Variants in EPHB6 observed in about 807,000 individuals in gnomAD.
EPHB6 encodes the protein ephrin type-B receptor 6.
In EPHB6, 51 loss-of-function variants were observed where a neutral mutation model predicts 107.0. That is an observed-to-expected ratio of 0.48 (90% CI 0.38 to 0.60). EPHB6 has a LOEUF of 0.60. Ranked by LOEUF, EPHB6 falls within the 20% of genes least tolerant of loss-of-function variation. EPHB6 has a pLI of 0.00. For missense variants in EPHB6, 1,141 were observed against 1,355.5 expected, an observed-to-expected ratio of 0.84 and a Z score of 2.48; for synonymous variants, 553 against 549.0, an observed-to-expected ratio of 1.01 and a Z score of -0.10.
At chr7:142,863,498 G>T in intron 5 of EPHB6, 133 bp from the exon 6 acceptor site, 2 of 1,233,006 alleles carry the variant, frequency 1.6e-6, no homozygotes, top group Non-Finnish European at 1.2e-6. Context: ...GGACCCTGAT[G>T]GACAGCTGTG....
Position 142,866,517 on chromosome 7 carries a change from G to A in EPHB6, c.1499G>A (p.Arg500Gln), listed in dbSNP as rs8177175. Reference protein sequence around the residue: ...SAVPVVHQVSRASNSITVSWP... With the variant: ...SAVPVVHQVSQASNSITVSWP... Reference sequence around the variant, plus strand: ...GTCCCTGTGGTGCACCAGGTGAGCCGGGCATCCAACAGCATCACGGTGTCC... The same window carrying A: ...GTCCCTGTGGTGCACCAGGTGAGCCAGGCATCCAACAGCATCACGGTGTCC... The change falls in exon 10 of 20, where the codon CGG (arginine) becomes CAG (glutamine). Residue 500 changes from arginine (R) to glutamine (Q), a missense_variant. This residue lies in a region of EPHB6 where 616 missense variants were observed against 759.3 expected (regional missense o/e 0.81). Transcript: ENST00000652003. This position sits in a 1 kb window ranked among gnomAD's most constrained non-coding sequence, Gnocchi z 5.2. 41 of 1,614,024 alleles carry A rather than the reference G, an allele frequency of 2.5e-5. No homozygotes were observed. Among genetic ancestry groups the A allele is most frequent in the East Asian group, 4.5e-5 (2 of 44,878 alleles).
intron 6 of EPHB6, 96 bp downstream of exon 6, chr7:142,863,791 T>A (rs979100358): frequency 4.0e-6 from 6 of 1,512,860 alleles, no homozygotes; most frequent in Non-Finnish European, 5.5e-6. Flanking sequence ...TGGGTGAGGA[T>A]TATGGGAAAA....
At position 142,867,885 on chromosome 7, in the gene EPHB6, G is replaced by A. The variant is rs2116461904; in HGVS notation, c.1866-112G>A. The A allele has an allele frequency of 6.7e-7, 1 of 1,495,914 alleles. No individual in the cohort carries two copies. The highest frequency in any genetic ancestry group is 2.5e-5 in the East Asian group (1 of 40,656). The allele number at this position is 1,495,914 out of a possible 1,614,324, so 92.7% of individuals were successfully genotyped here. A position where few individuals can be genotyped will look rare whatever the true frequency, so the allele number is the denominator to read the frequency against. ...CACGTGGAGATGGGCAGGAGGGCCA[G>A]GCTGTCGTCCCCCCTCCACAGACCG... On this transcript the variant is annotated intron_variant, in intron 12 of 19. Coordinates refer to ENST00000652003, the MANE Select transcript of EPHB6 (RefSeq NM_004445.6). This position sits in a 1 kb window ranked among gnomAD's most constrained non-coding sequence, Gnocchi z 5.3.
In EPHB6 at chr7:142,868,662, G is replaced by A. The variant is rs781020357; in HGVS notation, c.2209G>A (p.Gly737Ser). 9 of 1,613,828 alleles carry A rather than the reference G, an allele frequency of 5.6e-6. No homozygotes were observed. The Admixed American group carries it at 1.3e-4, about 24-fold the overall frequency. The change falls in exon 15 of 20, where the codon GGC (glycine) becomes AGC (serine). Residue 737 changes from glycine (G) to serine (S), a missense_variant. Gly to Ser is a moderately conservative substitution (Grantham distance 56). Around this residue, in one of 3 missense-constraint regions of EPHB6, gnomAD observed 616 missense variants for 759.3 expected, o/e 0.81. Coordinates refer to ENST00000652003, the MANE Select transcript of EPHB6 (RefSeq NM_004445.6). This position sits in a 1 kb window ranked among gnomAD's most constrained non-coding sequence, Gnocchi z 4.2. ...FQHPNILRLE[G>S]VVTKSRPLMV... ...GCACCCCAACATCCTGCGGCTGGAG[G>A]GCGTGGTCACCAAGAGCCGACCCCT...
intron 17 of EPHB6, 98 bp downstream of exon 17, chr7:142,870,064 A>T: frequency 6.3e-7 from 1 of 1,598,014 alleles, no homozygotes; most frequent in Non-Finnish European, 8.6e-7. Flanking sequence ...GTATTCTAAG[A>T]TCTCATGGCT....
At chr7:142,858,602 A>ATTTTTTT (rs58084930) in intron 1 of EPHB6, among the ~76,000 whole-genome samples, 1 of 130,086 alleles carries the variant, frequency 7.7e-6, no homozygotes. Context: ...CGCCCAGCTA[A>ATTTTTTT]TTTTTTTTTT....
Position 142,867,998 on chromosome 7 carries a change from A to G in EPHB6, c.1867A>G (p.Lys623Glu). The change falls in exon 13 of 20, where the codon AAG becomes GAG. Residue 623 changes from lysine (K) to glutamate (E), a missense_variant and splice_region_variant. By Grantham distance (56) the Lys-to-Glu change is moderately conservative. This residue lies in a region of EPHB6 where 616 missense variants were observed against 759.3 expected (regional missense o/e 0.81). Coordinates refer to ENST00000652003, the MANE Select transcript of EPHB6 (RefSeq NM_004445.6). The surrounding 1 kb of genome is among the most constrained non-coding windows in gnomAD (Gnocchi z 5.3). ...ITVLAVVFQR[K>E]RRGTGYTEQL... ...CCCAGTCACCGTTTTGTTCCTCAGG[A>G]AGCGGCGTGGGACTGGCTACACAGA... 6.3e-7 allele frequency: 1 copy of G among 1,575,748 alleles called. No individual in the cohort carries two copies. The highest frequency in any genetic ancestry group is 8.6e-7 in the Non-Finnish European group (1 of 1,160,660).
Position 142,865,951 on chromosome 7 carries a change from G to C in EPHB6, c.1106-9G>C, listed in dbSNP as rs1178816836. 2 of 1,613,332 alleles carry C rather than the reference G, an allele frequency of 1.2e-6. No homozygotes were observed. The highest frequency in any genetic ancestry group is 1.7e-6 in the Non-Finnish European group (2 of 1,179,828). On this transcript the variant is annotated splice_polypyrimidine_tract_variant and intron_variant, in intron 8 of 19. Transcript: ENST00000652003. ...GGCCCTTGGACTGCCATATCCTCCG[G>C]CCCCCCAGGTCCTCCATCGGCTCCC...
At chr7:142,862,261 G>T (rs1183915432) in intron 3 of EPHB6, 128 bp downstream of exon 3, 1 of 152,152 alleles carries the variant, frequency 6.6e-6, no homozygotes, top group Non-Finnish European at 1.5e-5. Flanking sequence ...TGGGAGTTAG[G>T]ATTTCAACAT....
rs1475573743 is a variant in EPHB6 at position 142,867,938 on chromosome 7, G to A, written c.1866-59G>A. On this transcript the variant is annotated intron_variant, in intron 12 of 19. Coordinates refer to ENST00000652003, the MANE Select transcript of EPHB6 (RefSeq NM_004445.6). This position sits in a 1 kb window ranked among gnomAD's most constrained non-coding sequence, Gnocchi z 5.3. ...TAAAGAGCAGTCTGGAGGGTGACAA[G>A]GGGGCAGCAAGGGGGTGGAAATGGG... The A allele has an allele frequency of 6.5e-7, 1 of 1,549,122 alleles. No homozygotes were observed. Among genetic ancestry groups the A allele is most frequent in the East Asian group, 2.4e-5 (1 of 40,980 alleles).
rs780953641 is a variant in EPHB6 at position 142,870,605 on chromosome 7, C to T, written c.2880C>T (p.Ala960=). The T allele has an allele frequency of 1.6e-5, 26 of 1,614,152 alleles. No homozygotes were observed. Among genetic ancestry groups the T allele is most frequent in the Non-Finnish European group, 2.1e-5 (25 of 1,180,064 alleles). ...CLDSPQAWLS[A]IGLECYQDNF... ...ACTCACCCCAGGCCTGGCTTTCAGCCATTGGACTGGAGTGCTACCAGGACA... is the reference window on the plus strand; with the variant it reads ...ACTCACCCCAGGCCTGGCTTTCAGCTATTGGACTGGAGTGCTACCAGGACA... Residue 960 remains alanine, a synonymous_variant, in exon 19 of 20, where the codon GCC becomes GCT. Transcript: ENST00000652003.
chr7:142,870,631 A>ACTTCTCCAAGTTTGGCCT lies in EPHB6; in HGVS notation c.2909_2926dup (p.Phe970_Leu975dup). On this transcript the variant is annotated inframe_insertion, in exon 19 of 20. Coordinates refer to ENST00000652003, the MANE Select transcript of EPHB6 (RefSeq NM_004445.6). ...ATTGGACTGGAGTGCTACCAGGACAACTTCTCCAAGTTTGGCCTCTGTACC... is the reference window on the plus strand; with the variant it reads ...ATTGGACTGGAGTGCTACCAGGACAACTTCTCCAAGTTTGGCCTCTTCTCCAAGTTTGGCCTCTGTACC... 6.2e-7 allele frequency: 1 copy of ACTTCTCCAAGTTTGGCCT among 1,614,176 alleles called. No individual in the cohort carries two copies. Among genetic ancestry groups the ACTTCTCCAAGTTTGGCCT allele is most frequent in the Non-Finnish European group, 8.5e-7 (1 of 1,180,034 alleles).
At position 142,855,531 on chromosome 7, in the gene EPHB6, CAG is replaced by C. The variant is rs1563331956; in HGVS notation, c.-432+149_-432+150del. ...AGTACTGAGGATCCTTCCTCAAGGCCAGAGTGGGGTTCATGAAGGGTGAGGAA... is the reference window on the plus strand; with the variant it reads ...AGTACTGAGGATCCTTCCTCAAGGCCAGTGGGGTTCATGAAGGGTGAGGAA... On this transcript the variant is annotated intron_variant, in intron 1 of 19. Coordinates refer to ENST00000652003, the MANE Select transcript of EPHB6 (RefSeq NM_004445.6). The surrounding 1 kb of genome is among the most constrained non-coding windows in gnomAD (Gnocchi z 4.2). The C allele has an allele frequency of 6.6e-6, 1 of 152,338 alleles. No individual in the cohort carries two copies. The highest frequency in any genetic ancestry group is 1.5e-5 in the Non-Finnish European group (1 of 68,176). The allele number at this position is 152,338 out of a possible 1,614,324, so 9.4% of individuals were successfully genotyped here.
Position 142,870,218 on chromosome 7 carries a change from T to G in EPHB6, c.2615T>G (p.Leu872Arg), listed in dbSNP as rs756101513. The change falls in exon 18 of 20, where the codon CTA (leucine) becomes CGA (arginine). Residue 872 changes from leucine (L) to arginine (R), a missense_variant. Around this residue, in one of 3 missense-constraint regions of EPHB6, gnomAD observed 616 missense variants for 759.3 expected, o/e 0.81. Transcript: ENST00000652003. ...TAGTCTTCCTCTGACCCCCAGGTAC[T>G]AAATGCAATAGAGCAGGAGTTCCGG... ...PYWDMSEQEV[L>R]NAIEQEFRLP... The G allele has an allele frequency of 7.4e-6, 12 of 1,614,040 alleles. No homozygotes were observed. The highest frequency in any genetic ancestry group is 2.7e-5 in the African/African-American group (2 of 74,928).
rs375561057 is a variant in EPHB6 at position 142,865,931 on chromosome 7, T to G, written c.1106-29T>G. The G allele has an allele frequency of 9.9e-6, 16 of 1,609,782 alleles. No individual in the cohort carries two copies. In the African/African-American group the frequency reaches 2.0e-4, roughly 20 times the overall value. ...ACCCCCACTGCTGCCCTCTTGGCCC[T>G]TGGACTGCCATATCCTCCGGCCCCC... On this transcript the variant is annotated intron_variant, in intron 8 of 19. Transcript: ENST00000652003.
chr7:142,863,801 A>G (rs1295661365), intron 6 of EPHB6, 106 bp downstream of exon 6: 30 of 1,485,452 alleles, frequency 2.0e-5, no homozygotes, highest in Non-Finnish European at 2.7e-5. Context: ...TTATGGGAAA[A>G]GGATCCCTCC....
rs1586141483 is a variant in EPHB6, at chr7:142,855,683, G to A, written c.-432+298G>A. Among the ~76,000 whole-genome samples, 1 of 152,144 alleles carries A rather than the reference G, an allele frequency of 6.6e-6. No homozygotes were observed. The highest frequency in any genetic ancestry group is 2.4e-5 in the African/African-American group (1 of 41,416). On this transcript the variant is annotated intron_variant, in intron 1 of 19. Transcript: ENST00000652003. The surrounding 1 kb of genome is among the most constrained non-coding windows in gnomAD (Gnocchi z 4.2). ...ATTCTCCTCTGGCTCTGGCTTGGGAGTCCTAATCTGGGAGGGTCCTCGCAG... is the reference window on the plus strand; with the variant it reads ...ATTCTCCTCTGGCTCTGGCTTGGGAATCCTAATCTGGGAGGGTCCTCGCAG...
In EPHB6 at chr7:142,866,216, C is replaced by T. The variant is rs1226338726; in HGVS notation, c.1362C>T (p.His454=). 8.1e-6 allele frequency: 13 copies of T among 1,614,130 alleles called. No homozygotes were observed. Among genetic ancestry groups the T allele is most frequent in the Middle Eastern group, 1.6e-4 (1 of 6,062 alleles). The change falls in exon 9 of 20, where the codon CAC becomes CAT. Residue 454 remains histidine, a synonymous_variant. Coordinates refer to ENST00000652003, the MANE Select transcript of EPHB6 (RefSeq NM_004445.6). The surrounding 1 kb of genome is among the most constrained non-coding windows in gnomAD (Gnocchi z 5.2). ...TGTTAGTGGGGGGACTCCGGGCACA[C>T]GTACCCTACATCTTAGAGGTGCAGG... ...SRVLVGGLRA[H]VPYILEVQAV...
rs1422264345 is a variant in EPHB6 at position 142,855,489 on chromosome 7, AG to A, written c.-432+106del. The A allele has an allele frequency of 6.6e-6, 1 of 152,366 alleles. No homozygotes were observed. Among genetic ancestry groups the A allele is most frequent in the Non-Finnish European group, 1.5e-5 (1 of 68,182 alleles). The allele number at this position is 152,366 out of a possible 1,614,324, so 9.4% of individuals were successfully genotyped here. On this transcript the variant is annotated intron_variant, in intron 1 of 19. Coordinates refer to ENST00000652003, the MANE Select transcript of EPHB6 (RefSeq NM_004445.6). This position sits in a 1 kb window ranked among gnomAD's most constrained non-coding sequence, Gnocchi z 4.2. ...AGAGTAGTGGGGCTCCTCAGCCCCT[AG>A]GTGGCTTCCTGAGGGAGTACTGAGG... is the stretch of plus-strand genomic sequence containing the variant.
Sources: gnomAD v4.1 joint callset for allele counts (sites outside exome capture counted in the v4.1 genomes callset) on GRCh38, gnomAD v4.1.1 for gene constraint, gnomAD v4.1.1 regional missense constraint, Gnocchi (gnomAD v3.1) non-coding constraint, MANE v1.5 for transcripts, NCBI Gene and HGNC (gene_info 2026-07-23, HGNC 2026-07-21) for gene names.